The following PAN2 variants were observed in gnomAD, a reference collection of about 807,000 sequenced individuals.
PAN2 encodes PAN2-PAN3 deadenylation complex catalytic subunit PAN2.
A neutral mutation model predicts 133.3 loss-of-function variants in PAN2; 68 were observed. That is an observed-to-expected ratio of 0.51 (90% CI 0.42 to 0.62). The LOEUF (loss-of-function observed/expected upper bound fraction) is 0.62, where lower values mean the gene tolerates loss of function less well. PAN2 is among the 20% of genes least tolerant of loss of function. The probability of loss-of-function intolerance (pLI) is 0.00; values close to 1 mark genes in which losing one functional copy is unlikely to be tolerated. For synonymous variants in PAN2, 462 were observed against 544.6 expected (o/e 0.85, Z 2.11); for missense variants, 1,042 against 1,500.5 (o/e 0.69, Z 5.05).
intron 8 of PAN2, among the ~76,000 whole-genome samples, chr12:56,326,102 A>G (rs1214838627): frequency 1.3e-5 from 2 of 152,246 alleles, no homozygotes; most frequent in Non-Finnish European, 2.9e-5. Flanking sequence ...TGATATGGCT[A>G]TGTCTTCTCT....
chr12:56,323,999 A>G lies in PAN2; in HGVS notation c.2065+50T>C, dbSNP rs201219521. On this transcript the variant is annotated intron_variant, in intron 13 of 25. Transcript: ENST00000440411. ...CACCCTCTCCCTGATATTACAGGAC[A>G]TTTTGGGGAGCCTTCCCAACTGAGC... 1.2e-5 allele frequency: 19 copies of G among 1,612,408 alleles called. No homozygotes were observed. The Admixed American group carries it at 1.8e-4, about 16-fold the overall frequency.
Position 56,317,637 on chromosome 12 carries a change from G to A in PAN2, c.3569C>T (p.Ala1190Val). The A allele has an allele frequency of 6.2e-7, 1 of 1,613,658 alleles. No individual in the cohort carries two copies. The highest frequency in any genetic ancestry group is 1.7e-5 in the Admixed American group (1 of 60,014). The part of the protein sequence containing the change: ...PEGQTSPKNA[A>V]VFSSVLAL The stretch of plus-strand genomic sequence containing the variant: ...GAGCGCCAGCACTGAGGAGAAGACA[G>A]CTGCATCTGTCAGAGACAAAACCAA... The change falls in exon 26 of 26, where the codon GCT (alanine) becomes GTT (valine). Residue 1190 changes from alanine to valine, a missense_variant. By Grantham distance (64) the Ala-to-Val change is moderately conservative. Transcript: ENST00000440411.
intron 2 of PAN2, among the ~76,000 whole-genome samples, chr12:56,329,635 T>C (rs1011835702): frequency 6.6e-6 from 1 of 151,644 alleles, no homozygotes; most frequent in Admixed American, 6.6e-5. Context: ...CTGGCCTATT[T>C]TGCTTCCTAA....
intron 2 of PAN2, among the ~76,000 whole-genome samples, chr12:56,331,774 C>T (rs892474756): frequency 1.3e-5 from 2 of 149,376 alleles, no homozygotes; most frequent in Admixed American, 6.8e-5. Flanking sequence ...AGTGCAGTGG[C>T]GTGATCTCGG....
intron 10 of PAN2, 30 bp from the exon 11 acceptor site, chr12:56,324,739 G>C (rs1267943004): frequency 6.2e-7 from 1 of 1,604,818 alleles, no homozygotes; most frequent in African/African-American, 1.3e-5. Flanking sequence ...AACTGATGTA[G>C]GAAACTGGCC....
rs1312774525 is a variant in PAN2 at position 56,324,999 on chromosome 12, C to G, written c.1599+10G>C. 1.2e-6 allele frequency: 2 copies of G among 1,613,304 alleles called. No individual in the cohort carries two copies. The highest frequency in any genetic ancestry group is 1.7e-5 in the Admixed American group (1 of 59,860). On this transcript the variant is annotated intron_variant, in intron 10 of 25. Coordinates refer to ENST00000440411, the MANE Select transcript of PAN2 (RefSeq NM_014871.6). ...GGCACGTTCAAGTTACAGGAATACC[C>G]AACCCTTACCTGGATCATGCAGTTA...
Position 56,319,603 on chromosome 12 carries a change from A to G in PAN2, c.3090+18T>C, listed in dbSNP as rs1245202133. On this transcript the variant is annotated intron_variant, in intron 22 of 25. Transcript: ENST00000440411. The surrounding 1 kb of genome is among the most constrained non-coding windows in gnomAD (Gnocchi z 5.4). ...AAGCACCAGGGTGTGCCTCACTTGC[A>G]TCTCCATATCCTAATACCTGCTCCT... 2 of 1,597,794 alleles carry G rather than the reference A, an allele frequency of 1.3e-6. No homozygotes were observed. Among genetic ancestry groups the G allele is most frequent in the Non-Finnish European group, 1.7e-6 (2 of 1,172,154 alleles).
intron 20 of PAN2, among the ~76,000 whole-genome samples, chr12:56,321,234 T>C (rs1181111611): frequency 1.3e-5 from 2 of 150,380 alleles, no homozygotes; most frequent in Admixed American, 1.3e-4. Flanking sequence ...CTAAATTTTT[T>C]TTTTTTTTTT....
intron 6 of PAN2, 118 bp downstream of exon 6, chr12:56,327,246 C>A (rs1456372357): frequency 8.9e-7 from 1 of 1,124,928 alleles, no homozygotes; most frequent in Non-Finnish European, 1.3e-6. Context: ...AACCTTGGGA[C>A]CCTGATGAAA....
chr12:56,322,227 C>A, intron 19 of PAN2, 59 bp from the exon 20 acceptor site: 1 of 1,221,694 alleles, frequency 8.2e-7, no homozygotes, highest in Admixed American at 1.8e-5. Context: ...TTTTCCCCCA[C>A]TTCAGACGGA....
At position 56,324,602 on chromosome 12, in the gene PAN2, G is replaced by A. The variant is rs1380402083; in HGVS notation, c.1707C>T (p.Leu569=). 4 of 1,614,088 alleles carry A rather than the reference G, an allele frequency of 2.5e-6. No individual in the cohort carries two copies. The highest frequency in any genetic ancestry group is 1.6e-4 in the Middle Eastern group (1 of 6,062). ...ELGFLFHMLD[L]SRGDPCQGNN... ...TGACCTGGCAAGGGTCACCACGAGA[G>A]AGGTCCAACATGTGAAACAGGAAGC... Residue 569 remains leucine, a synonymous_variant, in exon 11 of 26, where the codon CTC becomes CTT. Coordinates refer to ENST00000440411, the MANE Select transcript of PAN2 (RefSeq NM_014871.6).
At chr12:56,330,533 G>A (rs1336061549) in intron 2 of PAN2, among the ~76,000 whole-genome samples, 2 of 150,272 alleles carry the variant, frequency 1.3e-5, no homozygotes, top group East Asian at 3.9e-4. Flanking sequence ...CTAATTTTTT[G>A]TATTTTTAGT....
chr12:56,326,634 G>A lies in PAN2; in HGVS notation c.1245C>T (p.Asn415=), dbSNP rs754140091. 1 of 1,613,202 alleles carries A rather than the reference G, an allele frequency of 6.2e-7. No homozygotes were observed. The highest frequency in any genetic ancestry group is 1.1e-5 in the South Asian group (1 of 91,038). Residue 415 remains asparagine, a synonymous_variant, in exon 7 of 26, where the codon AAC becomes AAT. Coordinates refer to ENST00000440411, the MANE Select transcript of PAN2 (RefSeq NM_014871.6). ...GGTACAACCTGGGAGCTGGAGCAGA[G>A]TTGGCAGCAGGCCAATCAGAGAGAA... ...DTLLSDWPAA[N]SAPAPRRAPP...
In PAN2 at chr12:56,320,028, G is replaced by T. The variant is rs1874299012; in HGVS notation, c.2789-7C>A. 6.2e-7 allele frequency: 1 copy of T among 1,613,976 alleles called. No individual in the cohort carries two copies. The highest frequency in any genetic ancestry group is 1.7e-5 in the Admixed American group (1 of 60,000). On this transcript the variant is annotated splice_region_variant and splice_polypyrimidine_tract_variant and intron_variant, in intron 20 of 25. Coordinates refer to ENST00000440411, the MANE Select transcript of PAN2 (RefSeq NM_014871.6). The stretch of plus-strand genomic sequence containing the variant: ...GCCTCAATAGGGTTCTTGACTAGAA[G>T]GGAGAATGCAGAGGACACAGGGCTT...
At chr12:56,332,495 T>C (rs533070996) in intron 2 of PAN2, among the ~76,000 whole-genome samples, 1 of 149,790 alleles carries the variant, frequency 6.7e-6, no homozygotes, top group South Asian at 2.1e-4. Flanking sequence ...CTTGAGATGC[T>C]AAAGTGGGAG....
chr12:56,332,295 G>A (rs1270602915), intron 2 of PAN2, among the ~76,000 whole-genome samples: 1 of 152,174 alleles, frequency 6.6e-6, no homozygotes, highest in East Asian at 1.9e-4. Context: ...CACTGGATGG[G>A]CAATTGTGAC....
chr12:56,322,851 G>GT, intron 17 of PAN2, 93 bp from the exon 18 acceptor site: 5 of 756,522 alleles, frequency 6.6e-6, no homozygotes, highest in Non-Finnish European at 1.0e-5. Flanking sequence ...GGGTATGGGG[G>GT]ATGGGGGACC....
intron 2 of PAN2, among the ~76,000 whole-genome samples, chr12:56,330,182 T>C (rs1477849809): frequency 6.6e-6 from 1 of 152,136 alleles, no homozygotes; most frequent in Non-Finnish European, 1.5e-5. Flanking sequence ...TCTATTCAAA[T>C]GTTACTTTAT....
In PAN2 at chr12:56,326,326, C is replaced by T. The variant is rs764772494; in HGVS notation, c.1346G>A (p.Arg449Lys). 1.2e-6 allele frequency: 2 copies of T among 1,601,796 alleles called. No individual in the cohort carries two copies. Among genetic ancestry groups the T allele is most frequent in the South Asian group, 2.2e-5 (2 of 90,034 alleles). Reference protein sequence around the residue: ...FIGYAPNPRTRLRNQIPYRLK... With the variant: ...FIGYAPNPRTKLRNQIPYRLK... ...CTCTGAACACACCTGATTGCGCAGC[C>T]TGGTGCGGGGATTGGGCGCATAGCC... Residue 449 changes from arginine (R) to lysine (K), a missense_variant, in exon 8 of 26, where the codon AGG becomes AAG. By Grantham distance (26) the Arg-to-Lys change is conservative (BLOSUM62 2). Coordinates refer to ENST00000440411, the MANE Select transcript of PAN2 (RefSeq NM_014871.6).
Sources: gnomAD v4.1 joint callset for allele counts (sites outside exome capture counted in the v4.1 genomes callset) on GRCh38, gnomAD v4.1.1 for gene constraint, Gnocchi (gnomAD v3.1) non-coding constraint, MANE v1.5 for transcripts, NCBI Gene and HGNC (gene_info 2026-07-23, HGNC 2026-07-21) for gene names.